The following PEPD variants were observed in gnomAD, a reference collection of about 807,000 sequenced individuals.
PEPD encodes the protein peptidase D.
Under a neutral mutation model 60.7 loss-of-function variants are expected in PEPD, and 53 were observed. That is an observed-to-expected ratio of 0.87 (90% confidence interval 0.70 to 1.10). PEPD has a LOEUF of 1.10. PEPD is among the 50% of genes least tolerant of loss of function. The pLI, the probability that PEPD is intolerant of heterozygous loss-of-function variation, is 0.00. For missense variants in PEPD, 711 were observed against 711.9 expected (o/e 1.00, Z 0.01); for synonymous variants, 267 against 284.1 (o/e 0.94, Z 0.60).
intron 9 of PEPD, among the ~76,000 whole-genome samples, chr19:33,450,878 C>T (rs747746870): frequency 6.6e-6 from 1 of 152,186 alleles, no homozygotes; most frequent in Non-Finnish European, 1.5e-5. Context: ...CCATCAGACA[C>T]GCCCACCAGT....
intron 3 of PEPD, among the ~76,000 whole-genome samples, chr19:33,503,458 C>T (rs1204044837): frequency 1.3e-5 from 2 of 152,216 alleles, no homozygotes; most frequent in African/African-American, 2.4e-5. Flanking sequence ...TCCATTAGCA[C>T]GGCCTCGAGC....
intron 11 of PEPD, among the ~76,000 whole-genome samples, chr19:33,410,142 C>T (rs954090318): frequency 7.9e-5 from 12 of 152,356 alleles, no homozygotes; most frequent in South Asian, 6.2e-4. Flanking sequence ...AGGCCCAGCG[C>T]GCAGTGGGTG....
At chr19:33,510,200 G>C (rs1293358866) in intron 3 of PEPD, among the ~76,000 whole-genome samples, 3 of 152,228 alleles carry the variant, frequency 2.0e-5, no homozygotes, top group Non-Finnish European at 4.4e-5. Flanking sequence ...AGTTGACAGG[G>C]CTCTGATGAG....
chr19:33,489,222 G>A (rs903357002), intron 6 of PEPD, among the ~76,000 whole-genome samples: 1 of 152,196 alleles, frequency 6.6e-6, no homozygotes, highest in Admixed American at 6.5e-5. Context: ...TCAGCCTGGC[G>A]CTTGGTTAAG....
chr19:33,416,594 C>G (rs1176754969), intron 9 of PEPD, among the ~76,000 whole-genome samples: 1 of 152,222 alleles, frequency 6.6e-6, no homozygotes, highest in Non-Finnish European at 1.5e-5. Flanking sequence ...GCCCAGCGCG[C>G]ACCTCCTCCC....
chr19:33,494,756 T>C (rs1029952402), intron 4 of PEPD, among the ~76,000 whole-genome samples: 2 of 152,198 alleles, frequency 1.3e-5, no homozygotes, highest in African/African-American at 2.4e-5. Context: ...GAGAATGGCT[T>C]ACAGATTAGA....
chr19:33,452,992 T>C (rs988926279), intron 9 of PEPD, among the ~76,000 whole-genome samples: 6 of 152,178 alleles, frequency 3.9e-5, no homozygotes, highest in African/African-American at 1.4e-4. Context: ...ATAGCTCAAT[T>C]TCCTATTTTG....
intron 6 of PEPD, among the ~76,000 whole-genome samples, chr19:33,480,977 A>G (rs1307485497): frequency 4.6e-5 from 7 of 152,128 alleles, no homozygotes; most frequent in Admixed American, 4.6e-4. Context: ...TACATTTCAA[A>G]AGACTGAAAT....
intron 3 of PEPD, among the ~76,000 whole-genome samples, chr19:33,506,265 C>T (rs1600171067): frequency 1.4e-5 from 2 of 147,000 alleles, no homozygotes; most frequent in Admixed American, 1.4e-4. Flanking sequence ...CCCACTACAC[C>T]CCATCACAAA....
At chr19:33,394,695 TC>T (rs920252492) in intron 12 of PEPD, among the ~76,000 whole-genome samples, 16 of 152,104 alleles carry the variant, frequency 1.1e-4, no homozygotes, top group African/African-American at 3.9e-4. Context: ...CTCAGGCTCC[TC>T]CCACCCTGGC....
At chr19:33,477,978 C>A in intron 7 of PEPD, 68 bp downstream of exon 7, 1 of 1,072,366 alleles carries the variant, frequency 9.3e-7, no homozygotes, top group Non-Finnish European at 1.4e-6. Context: ...TGGGCAGGAA[C>A]AACAGGGCAT....
intron 12 of PEPD, among the ~76,000 whole-genome samples, 172 bp from the exon 13 acceptor site, chr19:33,391,651 G>C (rs1555751222): frequency 6.6e-6 from 1 of 152,152 alleles, no homozygotes; most frequent in Non-Finnish European, 1.5e-5. Flanking sequence ...GACTAGGGTG[G>C]CCCCCCGTGC....
At chr19:33,494,553 T>C (rs1192545932) in intron 4 of PEPD, among the ~76,000 whole-genome samples, 1 of 152,238 alleles carries the variant, frequency 6.6e-6, no homozygotes, top group East Asian at 1.9e-4. Context: ...ATTTGGATCA[T>C]ATGAAATTAC....
intron 5 of PEPD, among the ~76,000 whole-genome samples, chr19:33,492,465 G>A (rs553148138): frequency 6.6e-6 from 1 of 152,238 alleles, no homozygotes. Context: ...TCTGATACAG[G>A]TATGCAATGT....
chr19:33,416,578 G>A (rs1968895962), intron 9 of PEPD, among the ~76,000 whole-genome samples: 1 of 152,180 alleles, frequency 6.6e-6, no homozygotes, highest in South Asian at 2.1e-4. Flanking sequence ...CCCCAGCCAG[G>A]CTCAAGCCCA....
intron 2 of PEPD, chr19:33,511,545 C>T (rs1008587900): frequency 2.9e-5 from 10 of 339,646 alleles, no homozygotes; most frequent in African/African-American, 8.6e-5. Context: ...GATATCTGCA[C>T]AGAAATGGAT....
At chr19:33,508,223 G>A (rs1263357998) in intron 3 of PEPD, among the ~76,000 whole-genome samples, 1 of 152,176 alleles carries the variant, frequency 6.6e-6, no homozygotes, top group Non-Finnish European at 1.5e-5. Context: ...GCCATGAGGA[G>A]GCGAGAGGGC....
intron 3 of PEPD, among the ~76,000 whole-genome samples, chr19:33,505,588 C>A (rs1970784974): frequency 6.6e-6 from 1 of 151,922 alleles, no homozygotes; most frequent in South Asian, 2.1e-4. Flanking sequence ...GGGAGGGAGG[C>A]ACCAGAGAGG....
At chr19:33,485,054 T>C (rs543455752) in intron 6 of PEPD, among the ~76,000 whole-genome samples, 123 of 152,274 alleles carry the variant, frequency 8.1e-4, no homozygotes, top group African/African-American at 2.8e-3. Flanking sequence ...CCAAAGCCCC[T>C]GTCCCAGGCC....
Sources: allele counts gnomAD v4.1 joint callset (sites outside exome capture counted in the v4.1 genomes callset), GRCh38; gene constraint gnomAD v4.1.1; transcripts MANE v1.5; gene names NCBI Gene and HGNC (gene_info 2026-07-23, HGNC 2026-07-21).